The following PTPA variants were observed in gnomAD, a reference collection of about 807,000 sequenced individuals.
The protein encoded by PTPA is serine/threonine-protein phosphatase 2A activator.
A neutral mutation model predicts 43.6 loss-of-function variants in PTPA; 13 were observed. That is an observed-to-expected ratio of 0.30 (90% confidence interval 0.19 to 0.47). PTPA has a LOEUF of 0.47. PTPA is among the 20% of genes least tolerant of loss of function. The pLI, the probability that PTPA is intolerant of heterozygous loss-of-function variation, is 0.99. For missense variants in PTPA, 329 were observed against 411.9 expected, an observed-to-expected ratio of 0.80 and a Z score of 1.74; for synonymous variants, 172 against 158.2, an observed-to-expected ratio of 1.09 and a Z score of -0.66.
intron 3 of PTPA, among the ~76,000 whole-genome samples, chr9:129,128,452 C>T (rs1849725622): frequency 6.6e-6 from 1 of 151,140 alleles, no homozygotes; most frequent in African/African-American, 2.4e-5. Context: ...AGGAGAATCG[C>T]TTGAACCTGG....
intron 1 of PTPA, among the ~76,000 whole-genome samples, chr9:129,113,162 C>T (rs928644300): frequency 2.0e-5 from 3 of 151,778 alleles, no homozygotes; most frequent in African/African-American, 4.8e-5. Context: ...GGCATGGTCT[C>T]GGCTGACTGC....
At position 129,133,888 on chromosome 9, in the gene PTPA, A is replaced by G. The variant is rs141705948; in HGVS notation, c.461-907A>G. ...TTGCCTCAAGGCCTGTGCACATGCTATTCCTTCTGGCTAGAATGCATTTCT... is the reference window on the plus strand; with the variant it reads ...TTGCCTCAAGGCCTGTGCACATGCTGTTCCTTCTGGCTAGAATGCATTTCT... On this transcript the variant is annotated intron_variant, in intron 5 of 9. Transcript: ENST00000393370. 3.6e-4 allele frequency among the ~76,000 whole-genome samples: 55 copies of G among 152,334 alleles called. 2 individuals are homozygous for G. In the Middle Eastern group the frequency reaches 0.02, roughly 57 times the overall value.
At position 129,123,168 on chromosome 9, in the gene PTPA, C is replaced by A. The variant is rs764310056; in HGVS notation, c.216+30C>A. ...GCCCAAGGAGGAGCTGCTGCAGCAG[C>A]CTTTCCAAAAATAGCTCCAGAGTCA... On this transcript the variant is annotated intron_variant, in intron 3 of 9. Transcript: ENST00000393370. The A allele has an allele frequency of 2.1e-5, 33 of 1,559,788 alleles. No homozygotes were observed. The Middle Eastern group carries it at 5.1e-4, about 24-fold the overall frequency.
chr9:129,146,795 G>C (rs535468289), intron 9 of PTPA, among the ~76,000 whole-genome samples: 1 of 152,148 alleles, frequency 6.6e-6, no homozygotes, highest in Non-Finnish European at 1.5e-5. Flanking sequence ...TCAGGGAGTC[G>C]GGCCTCCCCC....
In PTPA at chr9:129,147,526, C is replaced by A; in HGVS notation, c.*62C>A. 2 of 1,511,406 alleles carry A rather than the reference C, an allele frequency of 1.3e-6. No individual in the cohort carries two copies. The highest frequency in any genetic ancestry group is 1.8e-6 in the Non-Finnish European group (2 of 1,094,098). The allele number at this position is 1,511,406 out of a possible 1,614,324, so 93.6% of individuals were successfully genotyped here. On this transcript the variant is annotated 3_prime_UTR_variant, in exon 10 of 10. Coordinates refer to ENST00000393370, the MANE Select transcript of PTPA (RefSeq NM_178000.3). ...CCTGTGCCTGCCTTCCCCACCCCAG[C>A]AGTGGCCCCTCCCCATCCCCTCCCT...
At position 129,147,563 on chromosome 9, in the gene PTPA, G is replaced by A. The variant is rs762622972; in HGVS notation, c.*99G>A. 20 of 1,292,554 alleles carry A rather than the reference G, an allele frequency of 1.5e-5. No individual in the cohort carries two copies. Among genetic ancestry groups the A allele is most frequent in the Non-Finnish European group, 1.8e-5 (17 of 919,580 alleles). The allele number at this position is 1,292,554 out of a possible 1,614,324, so 80.1% of individuals were successfully genotyped here. A position where few individuals can be genotyped will look rare whatever the true frequency, so the allele number is the denominator to read the frequency against. ...CCCATCCCCTCCCTCTGTTCGTCCC[G>A]TTTGATGAGAGGCTGTTTACTGGGG... On this transcript the variant is annotated 3_prime_UTR_variant, in exon 10 of 10. Coordinates refer to ENST00000393370, the MANE Select transcript of PTPA (RefSeq NM_178000.3).
intron 7 of PTPA, among the ~76,000 whole-genome samples, chr9:129,137,302 G>A (rs1253807422): frequency 6.6e-6 from 1 of 152,222 alleles, no homozygotes; most frequent in African/African-American, 2.4e-5. Context: ...AGTGCTGTAG[G>A]TGTGGTAATT....
In PTPA at chr9:129,147,570, G is replaced by GTTTACTGGGC; in HGVS notation, c.*106_*107insTTTACTGGGC. On this transcript the variant is annotated 3_prime_UTR_variant, in exon 10 of 10. Coordinates refer to ENST00000393370, the MANE Select transcript of PTPA (RefSeq NM_178000.3). ...CCTCCCTCTGTTCGTCCCGTTTGAT[G>GTTTACTGGGC]AGAGGCTGTTTACTGGGGTGGGGTG... 1 of 1,243,882 alleles carries GTTTACTGGGC rather than the reference G, an allele frequency of 8.0e-7. No homozygotes were observed. Among genetic ancestry groups the GTTTACTGGGC allele is most frequent in the East Asian group, 2.5e-5 (1 of 40,368 alleles). The allele number at this position is 1,243,882 out of a possible 1,614,324, so 77.1% of individuals were successfully genotyped here.
At chr9:129,114,651 A>G (rs1477666903) in intron 1 of PTPA, among the ~76,000 whole-genome samples, 2 of 152,206 alleles carry the variant, frequency 1.3e-5, no homozygotes, top group African/African-American at 4.8e-5. Flanking sequence ...GCCAATGATA[A>G]TGCTATATAT....
intron 3 of PTPA, among the ~76,000 whole-genome samples, chr9:129,126,129 A>G (rs1211182640): frequency 1.3e-5 from 2 of 151,902 alleles, no homozygotes; most frequent in Middle Eastern, 3.4e-3. Context: ...AGCCCAGGCG[A>G]CAGTGCGAGA....
At chr9:129,126,250 A>G (rs987605085) in intron 3 of PTPA, among the ~76,000 whole-genome samples, 32 of 151,880 alleles carry the variant, frequency 2.1e-4, no homozygotes, top group African/African-American at 7.2e-4. Flanking sequence ...CTGGAGTTCA[A>G]TGGTACGATC....
At chr9:129,142,324 GTGTGCGTGTGCGTT>G in intron 8 of PTPA, 107 bp from the exon 9 acceptor site, 1 of 854,280 alleles carries the variant, frequency 1.2e-6, no homozygotes, top group Non-Finnish European at 1.8e-6. Context: ...CGCGTGCATT[GTGTGCGTGTGCGTT>G]TGTGTGTGTG....
At chr9:129,125,281 T>A (rs1199712485) in intron 3 of PTPA, among the ~76,000 whole-genome samples, 4 of 151,818 alleles carry the variant, frequency 2.6e-5, no homozygotes, top group African/African-American at 9.7e-5. Context: ...TTTTTTGAGT[T>A]TTTCTTGTTA....
chr9:129,116,568 G>GT (rs1848890703), intron 1 of PTPA, among the ~76,000 whole-genome samples: 1 of 152,054 alleles, frequency 6.6e-6, no homozygotes, highest in Non-Finnish European at 1.5e-5. Context: ...TGTATTTTTA[G>GT]TAGAGACGGG....
chr9:129,129,036 G>A lies in PTPA; in HGVS notation c.268G>A (p.Glu90Lys). 1.2e-6 allele frequency: 2 copies of A among 1,612,992 alleles called. No homozygotes were observed. The highest frequency in any genetic ancestry group is 1.7e-6 in the Non-Finnish European group (2 of 1,180,014). ...LLNTLDRWID[E>K]TPPVDQPSRF... ...CAACACGCTGGACAGGTGGATTGAT[G>A]AGACTCCTCCAGTGGACCAGCCCTC... is the stretch of plus-strand genomic sequence containing the variant. Residue 90 changes from glutamate to lysine, a missense_variant, in exon 4 of 10, where the codon GAG becomes AAG. Coordinates refer to ENST00000393370, the MANE Select transcript of PTPA (RefSeq NM_178000.3).
intron 5 of PTPA, among the ~76,000 whole-genome samples, chr9:129,131,850 G>A: frequency 6.6e-6 from 1 of 152,188 alleles, no homozygotes; most frequent in Non-Finnish European, 1.5e-5. Flanking sequence ...GCTCTGCTGT[G>A]GTCCACCAGG....
At chr9:129,114,181 C>T (rs1010351578) in intron 1 of PTPA, among the ~76,000 whole-genome samples, 5 of 152,058 alleles carry the variant, frequency 3.3e-5, no homozygotes, top group Non-Finnish European at 7.4e-5. Flanking sequence ...ACCACTGTGC[C>T]GGGCTAATTT....
intron 8 of PTPA, among the ~76,000 whole-genome samples, chr9:129,138,891 C>G (rs1214263993): frequency 2.0e-5 from 3 of 152,234 alleles, no homozygotes; most frequent in African/African-American, 7.2e-5. Context: ...CGGAGATCTG[C>G]TGCCCTCAGC....
chr9:129,144,182 G>GGGA lies in PTPA; in HGVS notation c.894+1635_894+1637dup, dbSNP rs563803566. ...AGAACTCCAGGCTGCCAGAGGATGA[G>GGGA]GGAGGAGCATATTCGGATTGAAAAT... is the stretch of plus-strand genomic sequence containing the variant. On this transcript the variant is annotated intron_variant, in intron 9 of 9. Transcript: ENST00000393370. Among the ~76,000 whole-genome samples the GGGA allele has an allele frequency of 2.3e-3, 348 of 151,990 alleles. 2 individuals are homozygous for GGGA. Among genetic ancestry groups the GGGA allele is most frequent in the African/African-American group, 7.9e-3 (327 of 41,434 alleles).
Sources: allele counts gnomAD v4.1 joint callset (sites outside exome capture counted in the v4.1 genomes callset), GRCh38; gene constraint gnomAD v4.1.1; transcripts MANE v1.5; gene names NCBI Gene and HGNC (gene_info 2026-07-23, HGNC 2026-07-21).